Variants in RBL1 observed in about 807,000 individuals in gnomAD.
The protein encoded by RBL1 is retinoblastoma-like protein 1.
In RBL1, 82 loss-of-function variants were observed where a neutral mutation model predicts 123.0. The ratio of observed to expected loss-of-function variants is 0.67; its 90% confidence interval spans 0.56 to 0.80. The LOEUF is 0.80. RBL1 is among the 30% of genes least tolerant of loss of function. RBL1 has a pLI of 0.00. For synonymous variants in RBL1, 405 were observed against 441.3 expected, an observed-to-expected ratio of 0.92 and a Z score of 1.03; for missense variants, 1,171 against 1,299.6, an observed-to-expected ratio of 0.90 and a Z score of 1.52.
chr20:37,021,503 G>A (rs2064339639), intron 17 of RBL1, among the ~76,000 whole-genome samples: 1 of 150,772 alleles, frequency 6.6e-6, no homozygotes, highest in African/African-American at 2.4e-5. Context: ...GGAGTGCAGT[G>A]GCATGATCTT....
At chr20:37,029,035 A>T (rs2064465474) in intron 16 of RBL1, among the ~76,000 whole-genome samples, 1 of 152,228 alleles carries the variant, frequency 6.6e-6, no homozygotes, top group Non-Finnish European at 1.5e-5. Flanking sequence ...TTTAGAAGGT[A>T]AGGATAATTT....
chr20:37,039,624 G>A (rs2064687747), intron 14 of RBL1, among the ~76,000 whole-genome samples: 1 of 152,188 alleles, frequency 6.6e-6, no homozygotes, highest in Admixed American at 6.5e-5. Flanking sequence ...CCCCAGCCAT[G>A]TGGAACTGTG....
intron 1 of RBL1, among the ~76,000 whole-genome samples, chr20:37,093,467 T>C (rs2065679754): frequency 6.6e-6 from 1 of 151,964 alleles, no homozygotes; most frequent in African/African-American, 2.4e-5. Flanking sequence ...AGTCAGATAC[T>C]ATCTCCACAA....
chr20:37,046,609 CTT>C (rs565859682), intron 12 of RBL1, among the ~76,000 whole-genome samples: 15 of 140,120 alleles, frequency 1.1e-4, no homozygotes, highest in African/African-American at 5.2e-5. Flanking sequence ...TATATATTAT[CTT>C]TTTTTTTTTT....
intron 3 of RBL1, 82 bp downstream of exon 3, chr20:37,067,903 TA>T: frequency 6.8e-7 from 1 of 1,465,648 alleles, no homozygotes; most frequent in Non-Finnish European, 9.2e-7. Context: ...ATACTTTTCA[TA>T]AAAAACAGAC....
chr20:37,049,188 C>T (rs772118659), intron 11 of RBL1: 25 of 343,902 alleles, frequency 7.3e-5, no homozygotes, highest in Non-Finnish European at 1.2e-4. Flanking sequence ...GGTGACAGGG[C>T]GAGACTCTGT....
intron 21 of RBL1, among the ~76,000 whole-genome samples, chr20:37,001,224 G>T (rs1019279820): frequency 6.6e-6 from 1 of 151,746 alleles, no homozygotes; most frequent in Non-Finnish European, 1.5e-5. Context: ...GAAGTGAGGA[G>T]CCCCTCTGCC....
intron 6 of RBL1, among the ~76,000 whole-genome samples, chr20:37,066,405 T>C (rs922656341): frequency 6.6e-6 from 1 of 152,258 alleles, no homozygotes; most frequent in Non-Finnish European, 1.5e-5. Flanking sequence ...AGTCAGCTTA[T>C]TCTGACCTCC....
At chr20:37,054,392 G>A (rs2064969511) in intron 11 of RBL1, among the ~76,000 whole-genome samples, 2 of 151,740 alleles carry the variant, frequency 1.3e-5, no homozygotes, top group South Asian at 4.2e-4. Context: ...GGCTGAGGCA[G>A]AGAACTGCTT....
At chr20:37,012,538 C>T (rs1425894663) in intron 19 of RBL1, among the ~76,000 whole-genome samples, 6 of 143,712 alleles carry the variant, frequency 4.2e-5, no homozygotes, top group South Asian at 4.5e-4. Flanking sequence ...ATGTGAGGAG[C>T]GCCTCTACCC....
intron 14 of RBL1, among the ~76,000 whole-genome samples, chr20:37,035,901 C>G (rs1028297800): frequency 6.6e-6 from 1 of 152,162 alleles, no homozygotes; most frequent in Admixed American, 6.6e-5. Flanking sequence ...GAATTTGGGT[C>G]ACAGTTTTGC....
intron 19 of RBL1, among the ~76,000 whole-genome samples, chr20:37,017,671 G>A (rs1406672159): frequency 4.4e-5 from 5 of 114,920 alleles, no homozygotes; most frequent in African/African-American, 1.6e-4. Context: ...TCACTTTGCC[G>A]CCAGGCTGGA....
intron 2 of RBL1, among the ~76,000 whole-genome samples, chr20:37,087,333 C>CAA (rs79340550): frequency 7.4e-6 from 1 of 135,184 alleles, no homozygotes; most frequent in African/African-American, 2.7e-5. Flanking sequence ...GACTCTGTCC[C>CAA]AAAAAAAAAA....
At position 36,998,007 on chromosome 20, in the gene RBL1, C is replaced by T. The variant is rs1179761836; in HGVS notation, c.*752G>A. ...GCCAGAGACAGGATGGTATATAACC[C>T]TCTGGCCAGGTACTATGGGAACCAA... On this transcript the variant is annotated 3_prime_UTR_variant, in exon 22 of 22. Coordinates refer to ENST00000373664, the MANE Select transcript of RBL1 (RefSeq NM_002895.5). 1 of 152,050 alleles carries T rather than the reference C, an allele frequency of 6.6e-6. No homozygotes were observed. Among genetic ancestry groups the T allele is most frequent in the Non-Finnish European group, 1.5e-5 (1 of 67,998 alleles). The allele number at this position is 152,050 out of a possible 1,614,324, so 9.4% of individuals were successfully genotyped here.
At chr20:37,069,498 T>A (rs1271900911) in intron 2 of RBL1, among the ~76,000 whole-genome samples, 8 of 149,864 alleles carry the variant, frequency 5.3e-5, no homozygotes, top group African/African-American at 1.5e-4. Flanking sequence ...CCACCCCGTC[T>A]GGGATGTGAG....
At chr20:37,048,910 A>T (rs979953188) in intron 11 of RBL1, among the ~76,000 whole-genome samples, 3 of 151,390 alleles carry the variant, frequency 2.0e-5, no homozygotes, top group Non-Finnish European at 4.4e-5. Flanking sequence ...TTAAAAAAAA[A>T]AAAAAAAAAA....
In RBL1 at chr20:37,066,786, C is replaced by G; in HGVS notation, c.784G>C (p.Glu262Gln). 6.2e-7 allele frequency: 1 copy of G among 1,613,670 alleles called. No individual in the cohort carries two copies. The highest frequency in any genetic ancestry group is 8.5e-7 in the Non-Finnish European group (1 of 1,179,738). Reference sequence around the variant, plus strand: ...TAGTGCTCCTTTATTCCTTTTGCTTCTACGAGAAGTCCATCATGCAGTTCA... The same window carrying G: ...TAGTGCTCCTTTATTCCTTTTGCTTGTACGAGAAGTCCATCATGCAGTTCA... ...LCELHDGLLV[E>Q]AKGIKEHYFK... Residue 262 changes from glutamate (E) to glutamine (Q), a missense_variant, in exon 6 of 22, where the codon GAA becomes CAA. Coordinates refer to ENST00000373664, the MANE Select transcript of RBL1 (RefSeq NM_002895.5).
At chr20:37,035,659 C>A in intron 14 of RBL1, 151 bp from the exon 15 acceptor site, 1 of 638,974 alleles carries the variant, frequency 1.6e-6, no homozygotes. Context: ...ATGTAGTCTA[C>A]TGGGAGAAAG....
chr20:37,041,511 C>T (rs149316930), intron 13 of RBL1, among the ~76,000 whole-genome samples: 4 of 152,094 alleles, frequency 2.6e-5, no homozygotes, highest in African/African-American at 7.2e-5. Context: ...TTAGTAGAGA[C>T]GGGGTTTCAC....
Sources: allele counts gnomAD v4.1 joint callset (sites outside exome capture counted in the v4.1 genomes callset), GRCh38; gene constraint gnomAD v4.1.1; transcripts MANE v1.5; gene names NCBI Gene and HGNC (gene_info 2026-07-23, HGNC 2026-07-21).